The following PALD1 variants were observed in gnomAD, a reference collection of about 807,000 sequenced individuals.
PALD1 encodes phosphatase domain containing paladin 1, also known as paladin.
A neutral mutation model predicts 96.0 loss-of-function variants in PALD1; 57 were observed. That is an observed-to-expected ratio of 0.59 (90% confidence interval 0.48 to 0.74). The LOEUF is 0.74. PALD1 is among the 30% of genes least tolerant of loss of function. The probability of loss-of-function intolerance (pLI) is 0.00; values close to 1 mark genes in which losing one functional copy is unlikely to be tolerated. For missense variants in PALD1, 1,063 were observed against 1,143.7 expected (o/e 0.93, Z 1.02); for synonymous variants, 464 against 473.6 (o/e 0.98, Z 0.26).
At chr10:70,489,903 G>T (rs991104737) in intron 1 of PALD1, among the ~76,000 whole-genome samples, 2 of 152,044 alleles carry the variant, frequency 1.3e-5, no homozygotes, top group African/African-American at 4.8e-5. Context: ...CAACATATGG[G>T]TTTTTTGTAG....
At chr10:70,522,781 C>T (rs187015133) in intron 1 of PALD1, among the ~76,000 whole-genome samples, 39 of 152,312 alleles carry the variant, frequency 2.6e-4, no homozygotes, top group African/African-American at 8.7e-4. Context: ...AGGTGACCGC[C>T]GTGCTGTGAC....
At chr10:70,514,929 G>T (rs904405157) in intron 1 of PALD1, among the ~76,000 whole-genome samples, 6 of 152,172 alleles carry the variant, frequency 3.9e-5, no homozygotes, top group African/African-American at 1.2e-4. Flanking sequence ...TGTTCCTAGG[G>T]TAATCATGTT....
chr10:70,541,226 C>A lies in PALD1; in HGVS notation c.2033C>A (p.Ala678Asp). The A allele has an allele frequency of 6.2e-7, 1 of 1,607,146 alleles. No individual in the cohort carries two copies. The highest frequency in any genetic ancestry group is 8.5e-7 in the Non-Finnish European group (1 of 1,177,310). ...TTTAMVVAVL[A>D]FWHIQGFPEV... ...ACTGCGATGGTGGTGGCTGTCCTGG[C>A]CTTCTGGCACATCCAAGTACGTGTG... Residue 678 changes from alanine to aspartate, a missense_variant, in exon 16 of 20, where the codon GCC becomes GAC. Ala to Asp is a moderately radical substitution (Grantham distance 126, BLOSUM62 -2). Coordinates refer to ENST00000263563, the MANE Select transcript of PALD1 (RefSeq NM_014431.3).
At chr10:70,484,854 T>C (rs192971527) in intron 1 of PALD1, among the ~76,000 whole-genome samples, 56 of 152,354 alleles carry the variant, frequency 3.7e-4, no homozygotes, top group East Asian at 1.9e-3. Context: ...TGCCCATTCT[T>C]TTAAAGAAAA....
the PALD1 span, among the ~76,000 whole-genome samples, chr10:70,468,582 GC>G: frequency 6.6e-6 from 1 of 152,102 alleles, no homozygotes; most frequent in African/African-American, 2.4e-5. Flanking sequence ...TTTCCCTAGA[GC>G]CCAAGTGTGG....
chr10:70,521,236 G>A (rs1280590872), intron 1 of PALD1, among the ~76,000 whole-genome samples: 2 of 152,094 alleles, frequency 1.3e-5, no homozygotes, highest in East Asian at 3.9e-4. Flanking sequence ...GATCCAAGAG[G>A]GAAGGGGACA....
chr10:70,500,229 A>G (rs985607824), intron 1 of PALD1, among the ~76,000 whole-genome samples: 4 of 152,024 alleles, frequency 2.6e-5, no homozygotes, highest in Non-Finnish European at 4.4e-5. Context: ...TGGTGGGGTG[A>G]GCTTTGCACC....
At chr10:70,498,518 A>G (rs933832030) in intron 1 of PALD1, among the ~76,000 whole-genome samples, 1 of 151,584 alleles carries the variant, frequency 6.6e-6, no homozygotes, top group African/African-American at 2.4e-5. Context: ...GACTTCAAGC[A>G]GTCCTCTTGC....
At chr10:70,519,909 G>A (rs1846695786) in intron 1 of PALD1, among the ~76,000 whole-genome samples, 1 of 152,028 alleles carries the variant, frequency 6.6e-6, no homozygotes, top group South Asian at 2.1e-4. Flanking sequence ...GTTTTTAGGG[G>A]CAAAACATTC....
Position 70,501,834 on chromosome 10 carries a change from T to C in PALD1, c.-30+22775T>C, listed in dbSNP as rs201441478. 8.2e-3 allele frequency among the ~76,000 whole-genome samples: 1,232 copies of C among 149,498 alleles called. 18 individuals are homozygous for C. The highest frequency in any genetic ancestry group is 0.029 in the African/African-American group (1,161 of 40,678). On this transcript the variant is annotated intron_variant, in intron 1 of 19. Coordinates refer to ENST00000263563, the MANE Select transcript of PALD1 (RefSeq NM_014431.3). Reference sequence around the variant, plus strand: ...TACTCTGTGTGTGTGTGTGTGTGTGTGCGTGCGTGCATGCATACCTGTGTT... The same window carrying C: ...TACTCTGTGTGTGTGTGTGTGTGTGCGCGTGCGTGCATGCATACCTGTGTT...
At chr10:70,529,813 G>A in intron 3 of PALD1, 76 bp from the exon 4 acceptor site, 2 of 1,354,848 alleles carry the variant, frequency 1.5e-6, no homozygotes, top group South Asian at 1.3e-5. Context: ...GTCCCCTGGA[G>A]CCCAGGACAG....
intron 18 of PALD1, among the ~76,000 whole-genome samples, chr10:70,549,734 G>A (rs994949651): frequency 6.6e-5 from 10 of 152,256 alleles, no homozygotes; most frequent in Non-Finnish European, 1.2e-4. Flanking sequence ...ACTCCTCCCT[G>A]GACATTGGAG....
intron 1 of PALD1, among the ~76,000 whole-genome samples, chr10:70,514,038 C>T (rs1402003921): frequency 6.6e-6 from 1 of 152,266 alleles, no homozygotes; most frequent in Non-Finnish European, 1.5e-5. Flanking sequence ...CACAGCTTCT[C>T]TCCACTCAGT....
intron 1 of PALD1, among the ~76,000 whole-genome samples, chr10:70,513,497 G>T (rs1334436566): frequency 6.6e-6 from 1 of 151,998 alleles, no homozygotes; most frequent in African/African-American, 2.4e-5. Context: ...GCGACACAGT[G>T]AGAATCCATC....
rs554192091 is a variant in PALD1, at chr10:70,486,994, C to G, written c.-30+7935C>G. On this transcript the variant is annotated intron_variant, in intron 1 of 19. Transcript: ENST00000263563. ...CAAAGAGAAGGGCCCTCCCTAGAGA[C>G]GAGCCCCAGAGTTGCCCTTTGGGGA... Among the ~76,000 whole-genome samples the G allele has an allele frequency of 3.3e-5, 5 of 152,048 alleles. No homozygotes were observed. The East Asian group carries it at 7.7e-4, about 23-fold the overall frequency.
the PALD1 span, among the ~76,000 whole-genome samples, chr10:70,470,089 C>T: frequency 1.2e-4 from 19 of 152,154 alleles, no homozygotes; most frequent in Admixed American, 3.3e-4. Flanking sequence ...CCATTATGCC[C>T]GGCCCTGACT....
At chr10:70,530,504 C>T (rs1489848336) in intron 4 of PALD1, among the ~76,000 whole-genome samples, 2 of 152,198 alleles carry the variant, frequency 1.3e-5, no homozygotes, top group African/African-American at 4.8e-5. Flanking sequence ...GTGACTTGCT[C>T]AAGGTCACAC....
intron 9 of PALD1, 80 bp downstream of exon 9, chr10:70,534,604 C>A: frequency 8.5e-7 from 1 of 1,178,422 alleles, no homozygotes; most frequent in Non-Finnish European, 1.2e-6. Context: ...GGCTCTCTTC[C>A]TTCCCGATAC....
At chr10:70,469,868 G>A in the PALD1 span, among the ~76,000 whole-genome samples, 1 of 151,840 alleles carries the variant, frequency 6.6e-6, no homozygotes, top group Non-Finnish European at 1.5e-5. Flanking sequence ...ATCTCGGCTC[G>A]CTGCAACCTC....
Sources: allele counts gnomAD v4.1 joint callset (sites outside exome capture counted in the v4.1 genomes callset), GRCh38; gene constraint gnomAD v4.1.1; transcripts MANE v1.5; gene names NCBI Gene and HGNC (gene_info 2026-07-23, HGNC 2026-07-21).